Variants in SYNJ1 observed in about 807,000 individuals in gnomAD.
The protein encoded by SYNJ1 is polyphosphatidylinositol phosphatase SYNJ1.
SYNJ1 carries 78 observed loss-of-function variants against 168.2 expected under a neutral mutation model. That is an observed-to-expected ratio of 0.46 (90% CI 0.39 to 0.56). The LOEUF (loss-of-function observed/expected upper bound fraction) is 0.56, where lower values mean the gene tolerates loss of function less well. Ranked by LOEUF, SYNJ1 falls within the 20% of genes least tolerant of loss-of-function variation. SYNJ1 has a pLI of 0.00. For missense variants in SYNJ1, 1,303 were observed against 1,597.6 expected, an observed-to-expected ratio of 0.82 and a Z score of 3.14; for synonymous variants, 539 against 548.6, an observed-to-expected ratio of 0.98 and a Z score of 0.24.
upstream of SYNJ1, chr21:32,728,032 C>T (rs1250657533): frequency 1.6e-5 from 24 of 1,533,666 alleles, no homozygotes; most frequent in Non-Finnish European, 1.9e-5. Flanking sequence ...AGGCCCATCT[C>T]TTCCGCATTG....
chr21:32,725,620 T>C (rs2043417271), intron 2 of SYNJ1, among the ~76,000 whole-genome samples: 1 of 152,222 alleles, frequency 6.6e-6, no homozygotes, highest in Non-Finnish European at 1.5e-5. Context: ...ACACTTTAAC[T>C]GACATTAATA....
Position 32,638,918 on chromosome 21 carries a change from G to C in SYNJ1, c.3905C>G (p.Ser1302Ter). The C allele has an allele frequency of 1.2e-6, 2 of 1,600,446 alleles. No homozygotes were observed. Among genetic ancestry groups the C allele is most frequent in the Non-Finnish European group, 1.7e-6 (2 of 1,171,208 alleles). The change falls in exon 31 of 33, where the codon TCA becomes TGA. Residue 1302 changes from serine (S) to a stop codon, truncating the protein, a stop_gained. Transcript: ENST00000674351. LOFTEE classifies it high-confidence loss of function. ...ACAAATGAGACTTACTTGCGGTTGT[G>C]AGGAAGCTTCTGAAGGCAAGCTATG... The part of the protein sequence containing the change: ...SSHSLPSEAS[S>*]QPQQEQPSG
chr21:32,701,629 G>A (rs1025785807), intron 3 of SYNJ1, among the ~76,000 whole-genome samples: 1 of 150,924 alleles, frequency 6.6e-6, no homozygotes, highest in African/African-American at 2.4e-5. Flanking sequence ...AATCAGTGTA[G>A]TTCTCATGCA....
chr21:32,639,654 T>G lies in SYNJ1; in HGVS notation c.3697+17A>C. 1 of 1,609,190 alleles carries G rather than the reference T, an allele frequency of 6.2e-7. No homozygotes were observed. Among genetic ancestry groups the G allele is most frequent in the South Asian group, 1.1e-5 (1 of 90,966 alleles). On this transcript the variant is annotated intron_variant, in intron 30 of 32. Transcript: ENST00000674351. ...CTCAAGTGATCCTCCTGCCTCAGCC[T>G]CCCAAAGAGGACCTACCTTTCGACG...
chr21:32,643,753 T>C (rs2039948992), intron 26 of SYNJ1, among the ~76,000 whole-genome samples: 1 of 152,208 alleles, frequency 6.6e-6, no homozygotes, highest in African/African-American at 2.4e-5. Context: ...GACCTTTGCT[T>C]TAAAAATCAT....
intron 5 of SYNJ1, among the ~76,000 whole-genome samples, chr21:32,694,686 T>C (rs1166736730): frequency 6.6e-6 from 1 of 152,202 alleles, no homozygotes; most frequent in African/African-American, 2.4e-5. Context: ...GCCAAAAATA[T>C]CATAATTTCT....
intron 15 of SYNJ1, 92 bp from the exon 16 acceptor site, chr21:32,666,665 A>G: frequency 7.5e-7 from 1 of 1,331,362 alleles, no homozygotes; most frequent in East Asian, 2.5e-5. Context: ...TATCTACCCA[A>G]ATATCCTAAG....
At chr21:32,724,133 G>C (rs2043355357) in intron 2 of SYNJ1, among the ~76,000 whole-genome samples, 1 of 152,168 alleles carries the variant, frequency 6.6e-6, no homozygotes, top group Non-Finnish European at 1.5e-5. Flanking sequence ...ACAAATGACA[G>C]GTTGAGGAGT....
chr21:32,718,426 CA>C (rs2043101358), intron 2 of SYNJ1, among the ~76,000 whole-genome samples: 1 of 151,598 alleles, frequency 6.6e-6, no homozygotes, highest in African/African-American at 2.4e-5. Context: ...TACAGGGGCA[CA>C]TAAAAAAAGA....
intron 2 of SYNJ1, among the ~76,000 whole-genome samples, chr21:32,723,434 C>T (rs1157042025): frequency 1.3e-5 from 2 of 152,166 alleles, no homozygotes; most frequent in Non-Finnish European, 2.9e-5. Flanking sequence ...ACATAAAGAC[C>T]AAGTCCTGCT....
At chr21:32,699,444 A>G (rs1390839505) in intron 4 of SYNJ1, among the ~76,000 whole-genome samples, 1 of 152,158 alleles carries the variant, frequency 6.6e-6, no homozygotes, top group Non-Finnish European at 1.5e-5. Context: ...TGTACTCATT[A>G]TGCCTGCTCA....
At position 32,686,465 on chromosome 21, in the gene SYNJ1, T is replaced by C. The variant is rs147502472; in HGVS notation, c.948+513A>G. Among the ~76,000 whole-genome samples, 392 of 152,262 alleles carry C rather than the reference T, an allele frequency of 2.6e-3. 4 individuals carry two copies. The highest frequency in any genetic ancestry group is 9.1e-3 in the African/African-American group (380 of 41,556). ...ATTAATTCATTATTAATTCAATAAG[T>C]GTTCATTAAAATATTTTTTCTTTAG... is the stretch of plus-strand genomic sequence containing the variant. On this transcript the variant is annotated intron_variant, in intron 8 of 32. Transcript: ENST00000674351.
chr21:32,672,800 AAGGCTGCTCAAG>A (rs2041257648), intron 14 of SYNJ1, among the ~76,000 whole-genome samples: 1 of 152,206 alleles, frequency 6.6e-6, no homozygotes. Context: ...CAAGTTTTAT[AAGGCTGCTCAAG>A]ACCCACTCTG....
In SYNJ1 at chr21:32,681,497, T is replaced by C; in HGVS notation, c.1352A>G (p.Lys451Arg). ...ATGTTATGATAGATCTAGATATACC[T>C]TCGCTTTCCCTTCAAGAGCTCCAGT... The part of the protein sequence containing the change: ...AGTGALEGKA[K>R]LKDGARSVTR... Residue 451 changes from lysine (K) to arginine (R), a missense_variant and splice_region_variant, in exon 11 of 33, where the codon AAG becomes AGG. Physicochemically the swap from Lys to Arg is conservative, Grantham distance 26. Around this residue, in one of 2 missense-constraint regions of SYNJ1, gnomAD observed 920 missense variants for 1,208.8 expected, o/e 0.76. Transcript: ENST00000674351. 6.2e-7 allele frequency: 1 copy of C among 1,611,732 alleles called. No homozygotes were observed. Among genetic ancestry groups the C allele is most frequent in the East Asian group, 2.2e-5 (1 of 44,808 alleles).
chr21:32,633,600 T>C lies in SYNJ1; in HGVS notation c.*3+1261A>G, dbSNP rs1601205887. Among the ~76,000 whole-genome samples, 3 of 152,304 alleles carry C rather than the reference T, an allele frequency of 2.0e-5. No homozygotes were observed. The South Asian group carries it at 6.2e-4, about 32-fold the overall frequency. On this transcript the variant is annotated intron_variant, in intron 32 of 32. Transcript: ENST00000674351. ...GAGCACTGCCCAAAAGGAATTTGGATAGTTGTTAAAGCAACATAACTATAC... is the reference window on the plus strand; with the variant it reads ...GAGCACTGCCCAAAAGGAATTTGGACAGTTGTTAAAGCAACATAACTATAC...
chr21:32,666,956 A>C (rs1482069780), intron 15 of SYNJ1, among the ~76,000 whole-genome samples: 1 of 152,214 alleles, frequency 6.6e-6, no homozygotes, highest in African/African-American at 2.4e-5. Flanking sequence ...AGTCCCTTAC[A>C]TAAAATGGAG....
chr21:32,641,745 C>T (rs1019551683), intron 29 of SYNJ1, 151 bp downstream of exon 29: 6 of 554,754 alleles, frequency 1.1e-5, no homozygotes, highest in South Asian at 2.8e-5. Context: ...ATGTTAGAGT[C>T]GGAAGATCAT....
At chr21:32,688,063 AGT>A (rs757543150) in intron 7 of SYNJ1, among the ~76,000 whole-genome samples, 2 of 152,066 alleles carry the variant, frequency 1.3e-5, no homozygotes, top group Non-Finnish European at 2.9e-5. Flanking sequence ...ACATGTGGCT[AGT>A]GGCTGCTATA....
intron 22 of SYNJ1, among the ~76,000 whole-genome samples, chr21:32,653,069 A>G (rs1389747128): frequency 2.0e-5 from 3 of 152,226 alleles, no homozygotes; most frequent in Admixed American, 1.3e-4. Context: ...TTTCCTTCTT[A>G]GTCTATATCA....
Sources: allele counts gnomAD v4.1 joint callset (sites outside exome capture counted in the v4.1 genomes callset), GRCh38; gene constraint gnomAD v4.1.1; regional missense constraint gnomAD v4.1.1; transcripts MANE v1.5; gene names NCBI Gene and HGNC (gene_info 2026-07-23, HGNC 2026-07-21).